GAD1: variants seen among roughly 807,000 people sequenced by gnomAD.
GAD1 encodes the protein 67 kDa glutamic acid decarboxylase.
In GAD1, 35 loss-of-function variants were observed where a neutral mutation model predicts 75.2. The ratio of observed to expected loss-of-function variants is 0.47; its 90% CI spans 0.36 to 0.62. The LOEUF (loss-of-function observed/expected upper bound fraction) is 0.62, where lower values mean the gene tolerates loss of function less well. Ranked by LOEUF, GAD1 falls within the 20% of genes least tolerant of loss-of-function variation. The pLI, the probability that GAD1 is intolerant of heterozygous loss-of-function variation, is 0.00. For missense variants in GAD1, 490 were observed against 758.5 expected (o/e 0.65, Z 4.16); for synonymous variants, 257 against 271.9 (o/e 0.95, Z 0.54).
intron 3 of GAD1, among the ~76,000 whole-genome samples, chr2:170,822,607 C>CT (rs1701918445): frequency 6.6e-6 from 1 of 152,268 alleles, no homozygotes; most frequent in African/African-American, 2.4e-5. Context: ...GCTGACACGT[C>CT]TCCCCCATCC....
At position 170,860,827 on chromosome 2, in the gene GAD1, T is replaced by C. The variant is rs1400504056; in HGVS notation, c.*945T>C. ...TTCTAAGATTGTACATAAAGTCATA[T>C]ATATGGAAATCCTGTTACTTAAATA... is the stretch of plus-strand genomic sequence containing the variant. On this transcript the variant is annotated 3_prime_UTR_variant, in exon 17 of 17. Transcript: ENST00000358196. 2 of 152,674 alleles carry C rather than the reference T, an allele frequency of 1.3e-5. No individual in the cohort carries two copies. Among genetic ancestry groups the C allele is most frequent in the Non-Finnish European group, 2.9e-5 (2 of 68,044 alleles). 9.5% of individuals were successfully genotyped at this position (152,674 alleles called of 1,614,324 possible). A position where few individuals can be genotyped will look rare whatever the true frequency, so the allele number is the denominator to read the frequency against.
Position 170,822,086 on chromosome 2 carries a change from G to A in GAD1, c.83-1G>A, listed in dbSNP as rs1207992695. On this transcript the variant is annotated splice_acceptor_variant, in intron 2 of 16. Transcript: ENST00000358196. LOFTEE classifies it high-confidence loss of function. ...ACCTCTCTCCCTCTCTCTCGTCCTA[G>A]CGTACGATACCTGGTGCGGCGTGGC... is the stretch of plus-strand genomic sequence containing the variant. 1 of 1,608,620 alleles carries A rather than the reference G, an allele frequency of 6.2e-7. No individual in the cohort carries two copies. The highest frequency in any genetic ancestry group is 8.5e-7 in the Non-Finnish European group (1 of 1,177,892).
In GAD1 at chr2:170,860,083, A is replaced by C; in HGVS notation, c.*201A>C. 1 of 605,882 alleles carries C rather than the reference A, an allele frequency of 1.7e-6. No individual in the cohort carries two copies. Among genetic ancestry groups the C allele is most frequent in the Non-Finnish European group, 3.0e-6 (1 of 338,848 alleles). The allele number at this position is 605,882 out of a possible 1,614,324, so 37.5% of individuals were successfully genotyped here. A position where few individuals can be genotyped will look rare whatever the true frequency, so the allele number is the denominator to read the frequency against. ...TGTTCTTTTTAAAAAGTTGCACATT[A>C]GGAACAGAGTATATATGTACAGTTA... On this transcript the variant is annotated 3_prime_UTR_variant, in exon 17 of 17. Coordinates refer to ENST00000358196, the MANE Select transcript of GAD1 (RefSeq NM_000817.3).
intron 3 of GAD1, 56 bp from the exon 4 acceptor site, chr2:170,829,419 C>A (rs1702162283): frequency 2.5e-6 from 4 of 1,593,302 alleles, no homozygotes; most frequent in Non-Finnish European, 3.4e-6. Context: ...CTGCAGCTGA[C>A]CCTCAGGGGC....
At chr2:170,817,208 G>C (rs1296158421) in intron 1 of GAD1, 160 bp downstream of exon 1, 2 of 42,504 alleles carry the variant, frequency 4.7e-5, no homozygotes, top group South Asian at 1.1e-3. Context: ...TGCTCTCCAC[G>C]GGTGCGCTGC....
At chr2:170,843,377 T>C (rs545645303) in intron 6 of GAD1, among the ~76,000 whole-genome samples, 90 of 152,210 alleles carry the variant, frequency 5.9e-4, no homozygotes, top group Non-Finnish European at 1.2e-3. Context: ...TAATTTGTAA[T>C]TAGAAAATCA....
Position 170,847,713 on chromosome 2 carries a change from C to T in GAD1, c.1040C>T (p.Thr347Met), listed in dbSNP as rs749452013. Residue 347 changes from threonine to methionine, a missense_variant, in exon 11 of 17, where the codon ACG becomes ATG. Transcript: ENST00000358196. ...VPFYVNATAGTTVYGAFDPIQ... is the reference protein window; with the variant it reads ...VPFYVNATAGMTVYGAFDPIQ... Reference sequence around the variant, plus strand: ...TTTTATGTCAATGCAACTGCTGGCACGACTGTTTATGGAGCTTTTGATCCG... The same window carrying T: ...TTTTATGTCAATGCAACTGCTGGCATGACTGTTTATGGAGCTTTTGATCCG... The T allele has an allele frequency of 3.1e-6, 5 of 1,614,006 alleles. No homozygotes were observed. Among genetic ancestry groups the T allele is most frequent in the Admixed American group, 1.7e-5 (1 of 60,006 alleles).
rs1702576833 is a variant in GAD1, at chr2:170,843,938, T to C, written c.639-107T>C. The C allele has an allele frequency of 7.2e-6, 5 of 694,544 alleles. No homozygotes were observed. In the Admixed American group the frequency reaches 1.0e-4, roughly 14 times the overall value. The allele number at this position is 694,544 out of a possible 1,614,324, so 43.0% of individuals were successfully genotyped here. ...AATCATGTTAGTGGTTTGGAACAGCTTTTTTTTAGAACCCAACTACAAATA... is the reference window on the plus strand; with the variant it reads ...AATCATGTTAGTGGTTTGGAACAGCCTTTTTTTAGAACCCAACTACAAATA... On this transcript the variant is annotated intron_variant, in intron 6 of 16. Coordinates refer to ENST00000358196, the MANE Select transcript of GAD1 (RefSeq NM_000817.3).
intron 3 of GAD1, among the ~76,000 whole-genome samples, chr2:170,823,258 C>G (rs1701939920): frequency 6.6e-6 from 1 of 152,206 alleles, no homozygotes; most frequent in South Asian, 2.1e-4. Flanking sequence ...CCCCGGAGCG[C>G]CGAGAGCCGC....
chr2:170,827,647 G>A (rs1386190580), intron 3 of GAD1, among the ~76,000 whole-genome samples: 1 of 152,170 alleles, frequency 6.6e-6, no homozygotes, highest in Non-Finnish European at 1.5e-5. Flanking sequence ...ATCCCGCCCT[G>A]GGCTCAGATC....
intron 3 of GAD1, chr2:170,828,867 C>T (rs921150645): frequency 1.0e-5 from 2 of 199,770 alleles, no homozygotes; most frequent in Admixed American, 5.7e-5. Context: ...CCTCCCTCTG[C>T]GGTCCTTGCT....
upstream of GAD1, chr2:170,816,149 G>C (rs1701693009): frequency 6.6e-6 from 1 of 152,330 alleles, no homozygotes; most frequent in Non-Finnish European, 1.5e-5. Context: ...GATTAATCAG[G>C]AGGCCTTCTT....
intron 5 of GAD1, among the ~76,000 whole-genome samples, chr2:170,833,512 C>A (rs1205125005): frequency 6.6e-6 from 1 of 152,142 alleles, no homozygotes; most frequent in Non-Finnish European, 1.5e-5. Context: ...GTCAGAATTC[C>A]CCATGTATGT....
At chr2:170,815,437 G>T (rs1035174544), upstream of GAD1, among the ~76,000 whole-genome samples, 1 of 152,184 alleles carries the variant, frequency 6.6e-6, no homozygotes, top group Non-Finnish European at 1.5e-5. Context: ...TGCTGATCAG[G>T]CCATGTCTGC....
At chr2:170,858,305 G>A (rs1203243827) in intron 15 of GAD1, among the ~76,000 whole-genome samples, 1 of 152,116 alleles carries the variant, frequency 6.6e-6, no homozygotes, top group East Asian at 1.9e-4. Context: ...GCCTTATGCT[G>A]TAGAAACAGT....
At chr2:170,816,289 G>A (rs1436924434), upstream of GAD1, 1 of 152,430 alleles carries the variant, frequency 6.6e-6, no homozygotes, top group African/African-American at 2.4e-5. Flanking sequence ...AGGGCTGGAT[G>A]AGGAAACTGT....
chr2:170,820,241 CGGT>C (rs1701833255), intron 2 of GAD1, among the ~76,000 whole-genome samples: 1 of 152,204 alleles, frequency 6.6e-6, no homozygotes, highest in South Asian at 2.1e-4. Context: ...ACGGAATTCC[CGGT>C]GGCCGCCAGT....
intron 5 of GAD1, among the ~76,000 whole-genome samples, chr2:170,833,903 A>G (rs1393884719): frequency 6.6e-6 from 1 of 152,050 alleles, no homozygotes; most frequent in African/African-American, 2.4e-5. Context: ...TGGAGGCTGC[A>G]GTGGGAGGAT....
At chr2:170,814,739 G>A (rs939562717), upstream of GAD1, among the ~76,000 whole-genome samples, 1 of 152,210 alleles carries the variant, frequency 6.6e-6, no homozygotes, top group African/African-American at 2.4e-5. Context: ...GAGAAAGAGA[G>A]GGATGTCCTC....
Sources: allele counts gnomAD v4.1 joint callset (sites outside exome capture counted in the v4.1 genomes callset), GRCh38; gene constraint gnomAD v4.1.1; transcripts MANE v1.5; gene names NCBI Gene and HGNC (gene_info 2026-07-23, HGNC 2026-07-21).